NRG3: variants seen among roughly 807,000 people sequenced by gnomAD.
NRG3 encodes the protein neuregulin 3.
In NRG3, 31 loss-of-function variants were observed where a neutral mutation model predicts 66.9. The observed-to-expected ratio is 0.46, with a 90% CI of 0.35 to 0.63. NRG3 has a LOEUF of 0.63. NRG3 is among the 20% of genes least tolerant of loss of function. The pLI, the probability that NRG3 is intolerant of heterozygous loss-of-function variation, is 0.00. For synonymous variants in NRG3, 393 were observed against 359.4 expected (o/e 1.09, Z -1.06); for missense variants, 910 against 878.9 (o/e 1.04, Z -0.45).
chr10:82,342,660 G>C (rs752101590), intron 1 of NRG3, among the ~76,000 whole-genome samples: 1 of 151,888 alleles, frequency 6.6e-6, no homozygotes, highest in Non-Finnish European at 1.5e-5. Flanking sequence ...TGTAGATTCC[G>C]GATATTAGCC....
chr10:82,188,332 T>G (rs1399669218), intron 1 of NRG3, among the ~76,000 whole-genome samples: 2 of 152,138 alleles, frequency 1.3e-5, no homozygotes, highest in Non-Finnish European at 2.9e-5. Context: ...AAGTTAAACC[T>G]AAGACCTCAA....
At chr10:82,347,278 G>A (rs1271062464) in intron 1 of NRG3, among the ~76,000 whole-genome samples, 15 of 149,532 alleles carry the variant, frequency 1.0e-4, no homozygotes, top group East Asian at 2.0e-4. Flanking sequence ...CTTTGTTCTC[G>A]TTGGTTTCAA....
At chr10:82,432,707 A>G (rs2136338699) in intron 2 of NRG3, among the ~76,000 whole-genome samples, 1 of 152,148 alleles carries the variant, frequency 6.6e-6, no homozygotes, top group East Asian at 1.9e-4. Context: ...GAATGAGAAT[A>G]TGCTGTGTTT....
At chr10:82,685,959 TATG>T (rs879470502) in intron 2 of NRG3, among the ~76,000 whole-genome samples, 2 of 152,174 alleles carry the variant, frequency 1.3e-5, no homozygotes, top group Admixed American at 1.3e-4. Flanking sequence ...TGTCATCTCC[TATG>T]ATAACAATGC....
intron 1 of NRG3, among the ~76,000 whole-genome samples, chr10:82,150,530 C>CACAAAAA (rs2070647798): frequency 3.7e-5 from 1 of 26,680 alleles, no homozygotes; most frequent in Non-Finnish European, 7.4e-5. Flanking sequence ...AGAGCACACA[C>CACAAAAA]AAAAAAAAAA....
chr10:82,059,885 A>G (rs2064045639), intron 1 of NRG3, among the ~76,000 whole-genome samples: 1 of 152,212 alleles, frequency 6.6e-6, no homozygotes, highest in Non-Finnish European at 1.5e-5. Flanking sequence ...CTTGATGATC[A>G]GCCATAACAT....
intron 1 of NRG3, among the ~76,000 whole-genome samples, chr10:82,150,395 C>T (rs1006431304): frequency 6.7e-6 from 1 of 150,030 alleles, no homozygotes; most frequent in African/African-American, 2.5e-5. Flanking sequence ...TCTCTCATTG[C>T]TGAAGAGCAT....
intron 1 of NRG3, among the ~76,000 whole-genome samples, chr10:81,975,209 G>A (rs1398486077): frequency 1.3e-5 from 2 of 152,048 alleles, no homozygotes; most frequent in Non-Finnish European, 2.9e-5. Context: ...GGATCTCAGA[G>A]ACAAATAAAA....
rs980540407 is a variant in NRG3 at position 82,806,879 on chromosome 10, C to T, written c.1028-58532C>T. Among the ~76,000 whole-genome samples the T allele has an allele frequency of 2.6e-5, 4 of 152,102 alleles. No homozygotes were observed. In the South Asian group the frequency reaches 8.3e-4, roughly 32 times the overall value. On this transcript the variant is annotated intron_variant, in intron 3 of 8. Transcript: ENST00000372141. ...CAGATAGGCACCATCTGCATGTAAC[C>T]CTTCCTATTTCTATTTGTCCTACCT...
intron 2 of NRG3, among the ~76,000 whole-genome samples, chr10:82,481,741 T>G (rs184423868): frequency 1.3e-5 from 2 of 152,216 alleles, no homozygotes; most frequent in African/African-American, 4.8e-5. Flanking sequence ...TTTTAGCACT[T>G]TGGGAGGCCG....
At position 82,574,936 on chromosome 10, in the gene NRG3, T is replaced by C. The variant is rs1227673633; in HGVS notation, c.954-163641T>C. Among the ~76,000 whole-genome samples the C allele has an allele frequency of 3.3e-5, 5 of 151,546 alleles. No individual in the cohort carries two copies. In the East Asian group the frequency reaches 9.7e-4, roughly 29 times the overall value. ...TACCAGGGGCTGAGAGGTGAGGGGA[T>C]TGTGGAGATGTTGGTCAATGGACAC... is the stretch of plus-strand genomic sequence containing the variant. On this transcript the variant is annotated intron_variant, in intron 2 of 8. Transcript: ENST00000372141.
At chr10:82,143,490 G>A (rs1488439656) in intron 1 of NRG3, among the ~76,000 whole-genome samples, 2 of 152,154 alleles carry the variant, frequency 1.3e-5, no homozygotes, top group African/African-American at 2.4e-5. Context: ...TTGAAAGATT[G>A]TGGACTAGGT....
At chr10:82,294,471 G>A (rs1314981060) in intron 1 of NRG3, among the ~76,000 whole-genome samples, 1 of 151,578 alleles carries the variant, frequency 6.6e-6, no homozygotes, top group Non-Finnish European at 1.5e-5. Context: ...GTGTATGTGT[G>A]TGTTTGAAAG....
intron 3 of NRG3, 134 bp from the exon 4 acceptor site, chr10:82,865,277 C>A: frequency 1.3e-6 from 1 of 751,720 alleles, no homozygotes; most frequent in Non-Finnish European, 2.2e-6. Flanking sequence ...TCTAAGCAAA[C>A]ATAGGGGTTA....
chr10:82,940,785 C>T (rs1337681914), intron 4 of NRG3, among the ~76,000 whole-genome samples: 1 of 152,064 alleles, frequency 6.6e-6, no homozygotes, highest in Non-Finnish European at 1.5e-5. Context: ...GTAATCCTAT[C>T]TGTGAGGGTG....
intron 1 of NRG3, among the ~76,000 whole-genome samples, chr10:82,193,055 A>C (rs1334759098): frequency 6.6e-6 from 1 of 152,142 alleles, no homozygotes; most frequent in Non-Finnish European, 1.5e-5. Flanking sequence ...GAGGGTTTCC[A>C]CATTATAATA....
chr10:82,016,557 C>T (rs1007551256), intron 1 of NRG3, among the ~76,000 whole-genome samples: 2 of 152,058 alleles, frequency 1.3e-5, no homozygotes, highest in Non-Finnish European at 2.9e-5. Context: ...AGGCTTAGGA[C>T]AGGTGTCTTG....
intron 2 of NRG3, among the ~76,000 whole-genome samples, chr10:82,718,422 G>A (rs1389315083): frequency 3.3e-5 from 5 of 152,164 alleles, no homozygotes; most frequent in Non-Finnish European, 4.4e-5. Context: ...CTTGTTTAAA[G>A]CAACTGTTAG....
chr10:82,973,804 G>A lies in NRG3; in HGVS notation c.1301G>A (p.Arg434Lys). Residue 434 changes from arginine to lysine, a missense_variant, in exon 7 of 9, where the codon AGG becomes AAG. Physicochemically the swap from Arg to Lys is conservative, Grantham distance 26. Coordinates refer to ENST00000372141, the MANE Select transcript of NRG3 (RefSeq NM_001010848.4). Reference protein sequence around the residue: ...VQLQNYSKVERHPVTALEKMM... With the variant: ...VQLQNYSKVEKHPVTALEKMM... The stretch of plus-strand genomic sequence containing the variant: ...TTCCCACAGTATTCAAAGGTGGAAA[G>A]GCATCCTGTGACTGCATTGGAGAAA... 8 of 1,614,048 alleles carry A rather than the reference G, an allele frequency of 5.0e-6. No homozygotes were observed. The highest frequency in any genetic ancestry group is 6.8e-6 in the Non-Finnish European group (8 of 1,179,920).
Sources: allele counts gnomAD v4.1 joint callset (sites outside exome capture counted in the v4.1 genomes callset), GRCh38; gene constraint gnomAD v4.1.1; transcripts MANE v1.5; gene names NCBI Gene and HGNC (gene_info 2026-07-23, HGNC 2026-07-21).